The following KCNQ5 variants were observed in gnomAD, a reference collection of about 807,000 sequenced individuals.
KCNQ5 encodes the protein potassium voltage-gated channel subfamily KQT member 5.
KCNQ5 carries 30 observed loss-of-function variants against 98.2 expected under a neutral mutation model. The ratio of observed to expected loss-of-function variants is 0.31; its 90% CI spans 0.23 to 0.41. The LOEUF (loss-of-function observed/expected upper bound fraction) is 0.41. Among genes scored for constraint, KCNQ5 ranks in the 10% least tolerant of loss-of-function variants. The pLI is 1.00. For missense variants in KCNQ5, 835 were observed against 1,182.5 expected, an observed-to-expected ratio of 0.71 and a Z score of 4.31; for synonymous variants, 458 against 449.4, an observed-to-expected ratio of 1.02 and a Z score of -0.24.
At chr6:72,938,340 A>G (rs1766043537) in intron 1 of KCNQ5, among the ~76,000 whole-genome samples, 1 of 152,136 alleles carries the variant, frequency 6.6e-6, no homozygotes, top group Admixed American at 6.5e-5. Flanking sequence ...TACTAGTTGC[A>G]CAATTCTGTA....
chr6:73,106,960 C>A (rs1268121819), intron 6 of KCNQ5, among the ~76,000 whole-genome samples: 1 of 66,592 alleles, frequency 1.5e-5, no homozygotes, highest in Non-Finnish European at 3.0e-5. Context: ...ATGATGAAAT[C>A]CAGGAGAATT....
intron 2 of KCNQ5, among the ~76,000 whole-genome samples, chr6:73,006,169 A>C (rs1409031047): frequency 2.0e-5 from 3 of 152,188 alleles, no homozygotes; most frequent in South Asian, 4.1e-4. Flanking sequence ...TTAATGATTT[A>C]AGTAATGTCT....
chr6:72,722,849 C>CTTTTT (rs539617196), intron 1 of KCNQ5, among the ~76,000 whole-genome samples: 23 of 126,302 alleles, frequency 1.8e-4, no homozygotes, highest in African/African-American at 6.1e-4. Context: ...GTTTGGTTGA[C>CTTTTT]TTTTTTTTTT....
chr6:72,866,958 A>AT (rs796809530), intron 1 of KCNQ5, among the ~76,000 whole-genome samples: 39 of 151,760 alleles, frequency 2.6e-4, no homozygotes, highest in African/African-American at 8.9e-4. Flanking sequence ...AATGTATTTA[A>AT]TTTTTTTTTC....
intron 1 of KCNQ5, among the ~76,000 whole-genome samples, chr6:72,790,671 G>A (rs939684409): frequency 1.3e-5 from 2 of 152,094 alleles, no homozygotes; most frequent in African/African-American, 4.8e-5. Context: ...AACATGATCA[G>A]ATTGTTTGTA....
chr6:72,641,715 T>C (rs2098927284), intron 1 of KCNQ5, among the ~76,000 whole-genome samples: 1 of 152,106 alleles, frequency 6.6e-6, no homozygotes, highest in Non-Finnish European at 1.5e-5. Context: ...AGAAAGGTGA[T>C]GGTTTCATGA....
chr6:72,655,052 C>CTTTG (rs1435314573), intron 1 of KCNQ5, among the ~76,000 whole-genome samples: 2 of 148,514 alleles, frequency 1.3e-5, no homozygotes, highest in African/African-American at 4.9e-5. Context: ...TTCTTTCTTT[C>CTTTG]TTTCTTTCTT....
intron 9 of KCNQ5, among the ~76,000 whole-genome samples, chr6:73,126,547 T>C (rs1251693822): frequency 6.6e-6 from 1 of 152,196 alleles, no homozygotes; most frequent in Non-Finnish European, 1.5e-5. Context: ...TTTATGATGT[T>C]CGCATATATC....
chr6:72,646,418 T>C (rs1477267959), intron 1 of KCNQ5, among the ~76,000 whole-genome samples: 3 of 152,206 alleles, frequency 2.0e-5, no homozygotes, highest in African/African-American at 7.2e-5. Context: ...AAATTTCTTA[T>C]ATGTTTATTT....
intron 1 of KCNQ5, among the ~76,000 whole-genome samples, chr6:72,983,382 T>C (rs1226507998): frequency 6.6e-6 from 1 of 152,216 alleles, no homozygotes; most frequent in Non-Finnish European, 1.5e-5. Context: ...TTTTACTCTT[T>C]TTTCTCTAAA....
intron 1 of KCNQ5, among the ~76,000 whole-genome samples, chr6:72,821,867 T>A (rs1562005155): frequency 1.3e-5 from 2 of 152,096 alleles, no homozygotes; most frequent in African/African-American, 2.4e-5. Flanking sequence ...TAGTGATTTC[T>A]AGTTTTTCTC....
chr6:72,632,963 G>T (rs1304225595), intron 1 of KCNQ5, among the ~76,000 whole-genome samples: 1 of 152,086 alleles, frequency 6.6e-6, no homozygotes, highest in African/African-American at 2.4e-5. Context: ...GGGATTGCTG[G>T]GTGAAATGGT....
At chr6:73,052,137 C>G (rs1455077050) in intron 3 of KCNQ5, among the ~76,000 whole-genome samples, 1 of 152,146 alleles carries the variant, frequency 6.6e-6, no homozygotes, top group African/African-American at 2.4e-5. Flanking sequence ...AGGAAAGAAT[C>G]TCAGAGCTTG....
chr6:72,911,648 A>G (rs893528531), intron 1 of KCNQ5, among the ~76,000 whole-genome samples: 4 of 152,152 alleles, frequency 2.6e-5, no homozygotes, highest in East Asian at 1.9e-4. Context: ...AGAAAATCCA[A>G]TTATGATGCT....
chr6:73,197,390 T>A lies in KCNQ5; in HGVS notation c.*1976T>A, dbSNP rs965144603. The A allele has an allele frequency of 6.6e-6, 1 of 152,166 alleles. No individual in the cohort carries two copies. The highest frequency in any genetic ancestry group is 2.1e-4 in the South Asian group (1 of 4,826). 9.4% of individuals were successfully genotyped at this position (152,166 alleles called of 1,614,324 possible). A position where few individuals can be genotyped will look rare whatever the true frequency, so the allele number is the denominator to read the frequency against. On this transcript the variant is annotated 3_prime_UTR_variant, in exon 14 of 14. Transcript: ENST00000370398. ...TGGATTCTAAGACAATTAGAATCAT[T>A]TAGAATCTTTTTGGCTGCTGGAAAT...
intron 1 of KCNQ5, among the ~76,000 whole-genome samples, chr6:72,676,095 A>T (rs1193976605): frequency 6.6e-6 from 1 of 152,230 alleles, no homozygotes; most frequent in Admixed American, 6.5e-5. Context: ...TTGAGGTTAC[A>T]AAAGCAGTGT....
intron 1 of KCNQ5, among the ~76,000 whole-genome samples, chr6:72,917,891 A>G (rs1187642682): frequency 6.6e-6 from 1 of 152,062 alleles, no homozygotes; most frequent in African/African-American, 2.4e-5. Flanking sequence ...GGATTTCTCA[A>G]CATCAGCACT....
At position 73,004,015 on chromosome 6, in the gene KCNQ5, C is replaced by T; in HGVS notation, c.489+17C>T. On this transcript the variant is annotated intron_variant, in intron 2 of 13. Transcript: ENST00000370398. Reference sequence around the variant, plus strand: ...TTGATCCTGGTAAGTGAAACATGAACAAGAACGTACATGAATGTTGTATAA... The same window carrying T: ...TTGATCCTGGTAAGTGAAACATGAATAAGAACGTACATGAATGTTGTATAA... The T allele has an allele frequency of 7.1e-7, 1 of 1,410,436 alleles. No individual in the cohort carries two copies. Among genetic ancestry groups the T allele is most frequent in the African/African-American group, 1.4e-5 (1 of 70,794 alleles). 87.4% of individuals were successfully genotyped at this position (1,410,436 alleles called of 1,614,324 possible).
At chr6:73,012,737 G>T (rs536870966) in intron 2 of KCNQ5, among the ~76,000 whole-genome samples, 4 of 152,090 alleles carry the variant, frequency 2.6e-5, no homozygotes, top group Non-Finnish European at 5.9e-5. Flanking sequence ...TAAGTGATGG[G>T]TTGATAGATG....
Sources: allele counts gnomAD v4.1 joint callset (sites outside exome capture counted in the v4.1 genomes callset), GRCh38; gene constraint gnomAD v4.1.1; transcripts MANE v1.5; gene names NCBI Gene and HGNC (gene_info 2026-07-23, HGNC 2026-07-21).